GARIN5A: variants seen among roughly 807,000 people sequenced by gnomAD.
GARIN5A encodes golgi associated RAB2 interactor 5A, also known as Golgi-associated RAB2 interactor protein 5A.
the GARIN5A span, among the ~76,000 whole-genome samples, chr19:50,469,968 T>TA: frequency 2.0e-5 from 3 of 152,196 alleles, no homozygotes; most frequent in African/African-American, 7.2e-5. Flanking sequence ...CTATTATATT[T>TA]ACCCAGTTTT....
the GARIN5A span, chr19:50,467,699 ACT>A: frequency 6.3e-7 from 1 of 1,594,894 alleles, no homozygotes; most frequent in Non-Finnish European, 8.5e-7. Context: ...CACTGGCCGA[ACT>A]CTCGGTCTCG....
the GARIN5A span, chr19:50,467,902 C>A: frequency 7.4e-7 from 1 of 1,359,446 alleles, no homozygotes; most frequent in East Asian, 2.4e-5. Context: ...GTCAGGGGTC[C>A]CCACCTTGCC....
chr19:50,471,924 A>G, the GARIN5A span, among the ~76,000 whole-genome samples: 4 of 151,648 alleles, frequency 2.6e-5, no homozygotes, highest in East Asian at 7.7e-4. Context: ...ATATGTGTAT[A>G]TACATGTATG....
the GARIN5A span, among the ~76,000 whole-genome samples, chr19:50,472,796 T>G: frequency 1.3e-5 from 2 of 152,104 alleles, no homozygotes; most frequent in African/African-American, 4.8e-5. Context: ...CTCAGGCAGC[T>G]GAGGTGGGAG....
At chr19:50,467,803 A>T in the GARIN5A span, 1 of 1,613,300 alleles carries the variant, frequency 6.2e-7, no homozygotes, top group South Asian at 1.1e-5. Flanking sequence ...GTGGACAAAG[A>T]GCTGGACGAA....
At chr19:50,469,266 C>T in the GARIN5A span, among the ~76,000 whole-genome samples, 1 of 152,180 alleles carries the variant, frequency 6.6e-6, no homozygotes, top group African/African-American at 2.4e-5. Context: ...CTGAAAAGCC[C>T]TTTCTCCAGG....
At chr19:50,467,634 C>A in the GARIN5A span, 2 of 1,564,160 alleles carry the variant, frequency 1.3e-6, no homozygotes, top group Non-Finnish European at 1.7e-6. Context: ...CTTACTCCTG[C>A]GTGAAGGGCA....
At chr19:50,474,140 C>A in the GARIN5A span, among the ~76,000 whole-genome samples, 1 of 151,654 alleles carries the variant, frequency 6.6e-6, no homozygotes, top group Non-Finnish European at 1.5e-5. Context: ...CGTTTGTTTG[C>A]ATTACTTTTT....
At chr19:50,467,535 G>C in the GARIN5A span, 7 of 1,465,910 alleles carry the variant, frequency 4.8e-6, no homozygotes, top group Non-Finnish European at 6.5e-6. Context: ...CTGCCCCACT[G>C]CGCTTCCCCC....
At chr19:50,473,656 G>A in the GARIN5A span, among the ~76,000 whole-genome samples, 4 of 151,340 alleles carry the variant, frequency 2.6e-5, no homozygotes, top group South Asian at 4.3e-4. Flanking sequence ...CACCATACCC[G>A]GCATCTCTCT....
chr19:50,475,398 G>T, the GARIN5A span: 43 of 1,611,274 alleles, frequency 2.7e-5, no homozygotes, highest in South Asian at 4.5e-4. Context: ...TCCAGGGCTG[G>T]ACTGGAGGCT....
chr19:50,471,648 G>GCATACATGCACGTGTGTGTATACA, the GARIN5A span, among the ~76,000 whole-genome samples: 306 of 123,572 alleles, frequency 2.5e-3, 2 homozygotes, highest in Middle Eastern at 0.014. Flanking sequence ...GTGTATATAC[G>GCATACATGCACGTGTGTGTATACA]CATACATGCA....
At chr19:50,475,694 G>C in the GARIN5A span, 1 of 704,738 alleles carries the variant, frequency 1.4e-6, no homozygotes, top group Middle Eastern at 2.6e-4. Flanking sequence ...TAGAAGTATG[G>C]GGTGTCAGAG....
the GARIN5A span, chr19:50,467,802 G>A: frequency 1.9e-6 from 3 of 1,613,190 alleles, no homozygotes; most frequent in African/African-American, 1.3e-5. Context: ...CGTGGACAAA[G>A]AGCTGGACGA....
the GARIN5A span, chr19:50,467,877 T>A: frequency 6.3e-7 from 1 of 1,577,192 alleles, no homozygotes; most frequent in Admixed American, 1.8e-5. Flanking sequence ...TGTCGGGTCC[T>A]CCAGCACCGT....
At chr19:50,476,477 T>G in the GARIN5A span, 1 of 1,575,300 alleles carries the variant, frequency 6.3e-7, no homozygotes, top group East Asian at 2.3e-5. Context: ...GGATGCGGCC[T>G]GTTCCTCCCG....
the GARIN5A span, among the ~76,000 whole-genome samples, chr19:50,468,660 GT>G: frequency 0.019 from 2,831 of 152,222 alleles, 46 homozygotes; most frequent in Non-Finnish European, 0.027. Flanking sequence ...CTGGAGTGCA[GT>G]GGCACGGTCA....
At chr19:50,476,181 G>A in the GARIN5A span, 1 of 1,613,552 alleles carries the variant, frequency 6.2e-7, no homozygotes, top group South Asian at 1.1e-5. Context: ...GCCGGCTTAG[G>A]GCCGCGATCC....
chr19:50,475,859 G>A, the GARIN5A span: 1 of 1,613,880 alleles, frequency 6.2e-7, no homozygotes, highest in Non-Finnish European at 8.5e-7. Flanking sequence ...TCAAAGATGG[G>A]GAAGTCCCGA....
Sources: allele counts gnomAD v4.1 joint callset (sites outside exome capture counted in the v4.1 genomes callset), GRCh38; gene constraint gnomAD v4.1.1; transcripts MANE v1.5; gene names NCBI Gene and HGNC (gene_info 2026-07-23, HGNC 2026-07-21).